Variants in LARP4B observed in about 807,000 individuals in gnomAD.
LARP4B encodes la-related protein 4B.
A neutral mutation model predicts 89.8 loss-of-function variants in LARP4B; 12 were observed. The ratio of observed to expected loss-of-function variants is 0.13; its 90% CI spans 0.09 to 0.22. LARP4B has a LOEUF of 0.22. Among genes scored for constraint, LARP4B ranks in the 10% least tolerant of loss-of-function variants. LARP4B has a pLI of 1.00. For missense variants in LARP4B, 757 were observed against 947.7 expected (o/e 0.80, Z 2.64); for synonymous variants, 367 against 363.3 (o/e 1.01, Z -0.12).
At chr10:871,398 G>A (rs1835191612) in intron 3 of LARP4B, among the ~76,000 whole-genome samples, 1 of 151,928 alleles carries the variant, frequency 6.6e-6, no homozygotes, top group Non-Finnish European at 1.5e-5. Context: ...ACCGTCCCCT[G>A]CGTGTCCACC....
chr10:924,144 T>C (rs761831469), intron 1 of LARP4B, among the ~76,000 whole-genome samples: 15 of 151,982 alleles, frequency 9.9e-5, no homozygotes, highest in Non-Finnish European at 2.2e-4. Flanking sequence ...CTCGGGAGGC[T>C]AAGGTGGCAA....
chr10:988,190 G>A, the LARP4B span: 1 of 393,750 alleles, frequency 2.5e-6, no homozygotes, highest in East Asian at 4.8e-5. Flanking sequence ...GCAGTCTGTC[G>A]GAAACCCCCG....
intron 3 of LARP4B, among the ~76,000 whole-genome samples, chr10:883,072 T>C (rs1835734200): frequency 6.6e-6 from 1 of 152,250 alleles, no homozygotes; most frequent in Non-Finnish European, 1.5e-5. Context: ...AATATTATGT[T>C]GGACTGAAAG....
intron 3 of LARP4B, among the ~76,000 whole-genome samples, chr10:867,270 C>T (rs1006751309): frequency 6.6e-6 from 1 of 152,130 alleles, no homozygotes; most frequent in Non-Finnish European, 1.5e-5. Context: ...GCACATTCTA[C>T]GCACTTCCTT....
chr10:982,112 C>CTTTTTT, the LARP4B span, among the ~76,000 whole-genome samples: 2 of 125,978 alleles, frequency 1.6e-5, no homozygotes, highest in Admixed American at 7.9e-5. Context: ...TTCTTTCTTT[C>CTTTTTT]TTTCTTTTTT....
chr10:950,735 AT>A, the LARP4B span, among the ~76,000 whole-genome samples: 3 of 152,038 alleles, frequency 2.0e-5, no homozygotes, highest in Non-Finnish European at 2.9e-5. Context: ...ATACCTAAGT[AT>A]TTTTTTGAGT....
At chr10:965,261 T>C in the LARP4B span, among the ~76,000 whole-genome samples, 1 of 152,148 alleles carries the variant, frequency 6.6e-6, no homozygotes, top group Non-Finnish European at 1.5e-5. Flanking sequence ...ACGGTGGTGC[T>C]CAGCGGAACG....
At chr10:892,890 T>G (rs930373978) in intron 1 of LARP4B, among the ~76,000 whole-genome samples, 1 of 147,316 alleles carries the variant, frequency 6.8e-6, no homozygotes, top group Non-Finnish European at 1.5e-5. Context: ...CCCTACAAAT[T>G]CACCAAGAGA....
At chr10:816,121 C>T (rs1302634309) in intron 15 of LARP4B, among the ~76,000 whole-genome samples, 2 of 152,134 alleles carry the variant, frequency 1.3e-5, no homozygotes, top group East Asian at 1.9e-4. Context: ...CCCAGCTACT[C>T]GGTAGGCCGA....
rs1831931565 is a variant in LARP4B, at chr10:814,679, C to T, written c.1929+63G>A. 1.3e-6 allele frequency: 2 copies of T among 1,553,856 alleles called. No homozygotes were observed. The highest frequency in any genetic ancestry group is 4.9e-5 in the East Asian group (2 of 41,012). ...AAAAACGAGCAGGTGCAGGAGTGCG[C>T]AGCGTCTGTTCACACCAGAGCCTCG... is the stretch of plus-strand genomic sequence containing the variant. On this transcript the variant is annotated intron_variant, in intron 17 of 17. Coordinates refer to ENST00000316157, the MANE Select transcript of LARP4B (RefSeq NM_015155.3). This position sits in a 1 kb window ranked among gnomAD's most constrained non-coding sequence, Gnocchi z 4.4.
intron 1 of LARP4B, among the ~76,000 whole-genome samples, chr10:917,805 T>C (rs1836864685): frequency 6.6e-6 from 1 of 152,248 alleles, no homozygotes; most frequent in Non-Finnish European, 1.5e-5. Context: ...AGAACCTATA[T>C]GGCCAATCAT....
At position 830,937 on chromosome 10, in the gene LARP4B, A is replaced by G; in HGVS notation, c.791T>C (p.Phe264Ser). 2 of 1,327,196 alleles carry G rather than the reference A, an allele frequency of 1.5e-6. No homozygotes were observed. The highest frequency in any genetic ancestry group is 1.2e-5 in the South Asian group (1 of 83,326). 82.2% of individuals were successfully genotyped at this position (1,327,196 alleles called of 1,614,324 possible). ...ALFKGDNLPK[F>S]INCEFAYNDN... ...ATTATATGCAAATTCACAGTTTATA[A>G]ATTTTGGTAAATTATCTCCTTTAAA... The change falls in exon 9 of 18, where the codon TTT (phenylalanine) becomes TCT (serine). Residue 264 changes from phenylalanine to serine, a missense_variant. By Grantham distance (155) the Phe-to-Ser change is radical (BLOSUM62 -2). Transcript: ENST00000316157.
the LARP4B span, among the ~76,000 whole-genome samples, chr10:951,291 G>A: frequency 6.6e-6 from 1 of 152,138 alleles, no homozygotes; most frequent in South Asian, 2.1e-4. Context: ...GCTCATGCCT[G>A]TAATCCCAGC....
the LARP4B span, among the ~76,000 whole-genome samples, chr10:963,370 A>T: frequency 6.6e-6 from 1 of 152,260 alleles, no homozygotes; most frequent in Non-Finnish European, 1.5e-5. Flanking sequence ...CCACGCTGCT[A>T]TTCCTTGACA....
Position 813,193 on chromosome 10 carries a change from G to A in LARP4B, c.1950C>T (p.Tyr650=), listed in dbSNP as rs376171047. The change falls in exon 18 of 18, where the codon TAC becomes TAT. Residue 650 remains tyrosine (Y), a synonymous_variant. Coordinates refer to ENST00000316157, the MANE Select transcript of LARP4B (RefSeq NM_015155.3). ...TACTCGTTCTCTGACAAATCTCTGC[G>A]TAGCTGGGCTTTCGCAATTCCTGGA... ...GAATELRKPS[Y]AEICQRTSKE... The A allele has an allele frequency of 5.6e-5, 90 of 1,610,054 alleles. No individual in the cohort carries two copies. The highest frequency in any genetic ancestry group is 2.1e-4 in the South Asian group (19 of 90,472).
intron 7 of LARP4B, among the ~76,000 whole-genome samples, chr10:842,006 G>A (rs960667813): frequency 2.6e-5 from 4 of 151,358 alleles, no homozygotes; most frequent in South Asian, 2.1e-4. Flanking sequence ...ACAGACTGTC[G>A]TCAGTACAGA....
chr10:827,046 G>C (rs1018588933), intron 11 of LARP4B, among the ~76,000 whole-genome samples: 22 of 152,198 alleles, frequency 1.4e-4, no homozygotes, highest in East Asian at 7.7e-4. Flanking sequence ...AGGCCAAGGG[G>C]GGGCGGATCA....
chr10:823,178 T>C (rs1450105323), intron 13 of LARP4B, among the ~76,000 whole-genome samples: 1 of 152,056 alleles, frequency 6.6e-6, no homozygotes, highest in Admixed American at 6.6e-5. Flanking sequence ...TGCCCACCAC[T>C]TCCTAAACCA....
intron 2 of LARP4B, 106 bp downstream of exon 2, chr10:885,535 T>A (rs1835829262): frequency 2.8e-6 from 2 of 721,636 alleles, no homozygotes; most frequent in Admixed American, 5.8e-5. Context: ...ATGCAGATCC[T>A]AAGATGTGCC....
Sources: allele counts gnomAD v4.1 joint callset (sites outside exome capture counted in the v4.1 genomes callset), GRCh38; gene constraint gnomAD v4.1.1; non-coding constraint Gnocchi (gnomAD v3.1); transcripts MANE v1.5; gene names NCBI Gene and HGNC (gene_info 2026-07-23, HGNC 2026-07-21).